Variants in CNTNAP2 observed in about 807,000 individuals in gnomAD.
The protein encoded by CNTNAP2 is contactin associated protein 2.
A neutral mutation model predicts 155.2 loss-of-function variants in CNTNAP2; 98 were observed. The ratio of observed to expected loss-of-function variants is 0.63; its 90% CI spans 0.54 to 0.75. The LOEUF is 0.75. CNTNAP2 is among the 30% of genes least tolerant of loss of function. CNTNAP2 has a pLI of 0.00. For missense variants in CNTNAP2, 1,727 were observed against 1,688.1 expected (o/e 1.02, Z -0.40); for synonymous variants, 651 against 631.2 (o/e 1.03, Z -0.47).
chr7:146,829,223 G>C (rs1040766254), intron 2 of CNTNAP2, among the ~76,000 whole-genome samples: 6 of 152,010 alleles, frequency 3.9e-5, no homozygotes, highest in Non-Finnish European at 7.4e-5. Flanking sequence ...TTCCTGTGAA[G>C]AAATACATAA....
chr7:146,376,948 G>A (rs1264986208), intron 1 of CNTNAP2, among the ~76,000 whole-genome samples: 1 of 152,062 alleles, frequency 6.6e-6, no homozygotes, highest in Non-Finnish European at 1.5e-5. Flanking sequence ...CAGAGACTGG[G>A]TTCTCCCCAG....
chr7:147,369,410 G>C (rs935395911), intron 9 of CNTNAP2, among the ~76,000 whole-genome samples: 1 of 152,164 alleles, frequency 6.6e-6, no homozygotes, highest in African/African-American at 2.4e-5. Context: ...AGAAACTAAG[G>C]TTTGTTCATG....
intron 3 of CNTNAP2, among the ~76,000 whole-genome samples, chr7:147,033,190 A>ATATATATATATATATATATATATG (rs1554427723): frequency 1.1e-5 from 1 of 92,476 alleles, no homozygotes; most frequent in Non-Finnish European, 2.3e-5. Flanking sequence ...ATATATATAT[A>ATATATATATATATATATATATATG]TATATATATA....
intron 15 of CNTNAP2, among the ~76,000 whole-genome samples, chr7:147,999,973 G>A (rs1476991824): frequency 6.6e-6 from 1 of 152,134 alleles, no homozygotes; most frequent in Non-Finnish European, 1.5e-5. Context: ...CTGTTGATTT[G>A]AGCCACCCAG....
chr7:146,440,982 A>G (rs2129119433), intron 1 of CNTNAP2, among the ~76,000 whole-genome samples: 1 of 151,582 alleles, frequency 6.6e-6, no homozygotes, highest in African/African-American at 2.4e-5. Context: ...TTCCCACTGG[A>G]CATAAATCAA....
intron 17 of CNTNAP2, among the ~76,000 whole-genome samples, chr7:148,157,896 AG>A (rs1334757575): frequency 6.6e-6 from 1 of 152,212 alleles, no homozygotes; most frequent in Non-Finnish European, 1.5e-5. Context: ...CCATATGCAA[AG>A]CAAAAATGCA....
At chr7:147,610,926 G>A (rs1801172495) in intron 12 of CNTNAP2, among the ~76,000 whole-genome samples, 1 of 151,928 alleles carries the variant, frequency 6.6e-6, no homozygotes, top group African/African-American at 2.4e-5. Context: ...TTTTGGTGGA[G>A]ACAGAGTTTT....
At chr7:147,276,901 T>C (rs1053609940) in intron 8 of CNTNAP2, among the ~76,000 whole-genome samples, 2 of 151,990 alleles carry the variant, frequency 1.3e-5, no homozygotes, top group African/African-American at 4.8e-5. Flanking sequence ...TTTAGCCCTG[T>C]AGGCTTTCTG....
At chr7:148,067,647 C>T (rs1028804863) in intron 15 of CNTNAP2, among the ~76,000 whole-genome samples, 4 of 152,244 alleles carry the variant, frequency 2.6e-5, no homozygotes, top group African/African-American at 9.6e-5. Context: ...CTGAAACAAG[C>T]TTGTCCTAAG....
At chr7:147,501,032 C>T (rs1798801162) in intron 11 of CNTNAP2, among the ~76,000 whole-genome samples, 1 of 151,928 alleles carries the variant, frequency 6.6e-6, no homozygotes, top group South Asian at 2.1e-4. Flanking sequence ...GAATTATACA[C>T]CAAGATCAAC....
chr7:146,721,253 CTATA>C (rs1339875734), intron 1 of CNTNAP2, among the ~76,000 whole-genome samples: 2 of 131,444 alleles, frequency 1.5e-5, no homozygotes, highest in Non-Finnish European at 3.1e-5. Context: ...TCTATATTCT[CTATA>C]TACTCTCTAT....
intron 13 of CNTNAP2, among the ~76,000 whole-genome samples, chr7:147,838,996 A>T (rs1281839243): frequency 6.6e-6 from 1 of 152,178 alleles, no homozygotes; most frequent in Non-Finnish European, 1.5e-5. Flanking sequence ...AGATCCCACA[A>T]TAGGCCACCT....
intron 15 of CNTNAP2, among the ~76,000 whole-genome samples, chr7:147,990,594 G>A (rs1279003565): frequency 6.6e-6 from 1 of 152,070 alleles, no homozygotes; most frequent in Non-Finnish European, 1.5e-5. Flanking sequence ...TCTTGGGGTT[G>A]GAATGTTTCT....
At chr7:148,206,709 T>A (rs1388935916) in intron 18 of CNTNAP2, among the ~76,000 whole-genome samples, 1 of 152,114 alleles carries the variant, frequency 6.6e-6, no homozygotes, top group Non-Finnish European at 1.5e-5. Context: ...CTCCTGGGAG[T>A]TTGCTCCAGC....
intron 15 of CNTNAP2, among the ~76,000 whole-genome samples, chr7:148,103,473 A>G (rs926531936): frequency 9.2e-5 from 14 of 152,188 alleles, no homozygotes; most frequent in African/African-American, 4.8e-5. Flanking sequence ...ATATTACTTC[A>G]TTCACATTAT....
At chr7:146,973,067 T>C (rs1340103907) in intron 3 of CNTNAP2, among the ~76,000 whole-genome samples, 1 of 152,176 alleles carries the variant, frequency 6.6e-6, no homozygotes, top group Non-Finnish European at 1.5e-5. Context: ...TTGCTCTTGT[T>C]TCTCAGGCTG....
intron 1 of CNTNAP2, among the ~76,000 whole-genome samples, chr7:146,180,104 A>G (rs541322268): frequency 2.0e-5 from 3 of 152,284 alleles, no homozygotes; most frequent in Middle Eastern, 3.4e-3. Flanking sequence ...AATAAGTAAC[A>G]GGAGAAACAC....
intron 12 of CNTNAP2, 132 bp downstream of exon 12, chr7:147,562,389 T>A: frequency 8.6e-7 from 1 of 1,156,850 alleles, no homozygotes; most frequent in Non-Finnish European, 1.3e-6. Context: ...TTGCTGGATT[T>A]GTTAGATAAG....
intron 14 of CNTNAP2, among the ~76,000 whole-genome samples, chr7:147,958,903 G>A (rs1309137451): frequency 1.3e-5 from 2 of 152,096 alleles, no homozygotes; most frequent in African/African-American, 4.8e-5. Flanking sequence ...TTTGCAGTAA[G>A]TGTAGGGTGG....
Sources: gnomAD v4.1 joint callset for allele counts (sites outside exome capture counted in the v4.1 genomes callset) on GRCh38, gnomAD v4.1.1 for gene constraint, MANE v1.5 for transcripts, NCBI Gene and HGNC (gene_info 2026-07-23, HGNC 2026-07-21) for gene names.